Variants in TBL1Y observed in about 807,000 individuals in gnomAD.
TBL1Y encodes the protein F-box-like/WD repeat-containing protein TBL1Y.
In TBL1Y, 15 loss-of-function variants were observed where a neutral mutation model predicts 12.0. That is an observed-to-expected ratio of 1.25 (90% CI 0.83 to 1.92). The LOEUF (loss-of-function observed/expected upper bound fraction) is 1.92, where lower values mean the gene tolerates loss of function less well. Among genes scored for constraint, TBL1Y ranks in the 40% most tolerant of loss-of-function variants. TBL1Y has a pLI of 0.00. For synonymous variants in TBL1Y, 53 were observed against 42.6 expected (o/e 1.24, Z -0.95); for missense variants, 148 against 116.7 (o/e 1.27, Z -1.24).
At position 7,070,212 on chromosome Y, in the gene TBL1Y, A is replaced by G; in HGVS notation, c.474A>G (p.Pro158=). 1 of 397,721 alleles carries G rather than the reference A, an allele frequency of 2.5e-6. No individual in the cohort carries two copies. Among genetic ancestry groups the G allele is most frequent in the South Asian group, 3.0e-5 (1 of 33,444 alleles). The change falls in exon 9 of 19, where the codon CCA becomes CCG. Residue 158 remains proline (P), a synonymous_variant. Transcript: ENST00000383032. ...GAHEINNHSK[P]MEIDGDVEIP... The stretch of plus-strand genomic sequence containing the variant: ...CTATGACAGATAATCACTCAAAGCC[A>G]ATGGAAATAGATGGGGATGTTGAGA...
chrY:6,959,556 CA>C (rs2012108255), intron 2 of TBL1Y, among the ~76,000 whole-genome samples: 1 of 33,349 alleles, frequency 3.0e-5, no homozygotes, highest in Admixed American at 2.7e-4. Flanking sequence ...AAATTTGCAA[CA>C]GTGGAATTTC....
chrY:7,021,541 A>G lies in TBL1Y; in HGVS notation c.-51+4A>G, dbSNP rs2012581818. The G allele has an allele frequency of 3.0e-5, 1 of 33,616 alleles. No homozygotes were observed. Among genetic ancestry groups the G allele is most frequent in the African/African-American group, 1.2e-4 (1 of 8,604 alleles). The allele number at this position is 33,616 out of a possible 400,897, so 8.4% of individuals were successfully genotyped here. A position where few individuals can be genotyped will look rare whatever the true frequency, so the allele number is the denominator to read the frequency against. ...CACACATGAAGTTACCATAAAGGTA[A>G]GCAGCCCAGCATGCCATTGGATCCT... On this transcript the variant is annotated splice_donor_region_variant and intron_variant, in intron 5 of 18. Transcript: ENST00000383032.
chrY:6,932,129 G>C, intron 2 of TBL1Y, among the ~76,000 whole-genome samples: 1 of 33,961 alleles, frequency 2.9e-5, no homozygotes, highest in Admixed American at 2.7e-4. Flanking sequence ...ACACCACTGG[G>C]TTGGGAAGTG....
chrY:6,991,892 C>T, intron 3 of TBL1Y, among the ~76,000 whole-genome samples: 1 of 34,127 alleles, frequency 2.9e-5, no homozygotes. Context: ...CTAGTTTTCT[C>T]GTTACCCAGA....
intron 2 of TBL1Y, among the ~76,000 whole-genome samples, chrY:6,926,740 G>C (rs2011828558): frequency 3.1e-5 from 1 of 32,150 alleles, no homozygotes; most frequent in East Asian, 8.2e-4. Flanking sequence ...CAGTAGCTGG[G>C]ACTACAGGTA....
chrY:6,916,873 C>T (rs760310612), intron 2 of TBL1Y, among the ~76,000 whole-genome samples: 1 of 34,135 alleles, frequency 2.9e-5, no homozygotes, highest in South Asian at 6.5e-4. Flanking sequence ...CACTTTTTTC[C>T]GTCACTTTTG....
intron 3 of TBL1Y, among the ~76,000 whole-genome samples, chrY:6,991,944 C>A: frequency 2.9e-5 from 1 of 34,126 alleles, no homozygotes. Flanking sequence ...GGAATGTCTT[C>A]TTAAGATGCC....
chrY:7,066,382 T>C, intron 8 of TBL1Y, among the ~76,000 whole-genome samples: 1 of 33,367 alleles, frequency 3.0e-5, no homozygotes, highest in African/African-American at 1.2e-4. Context: ...TTGTTGTTGT[T>C]GTTGAGATGG....
At chrY:6,967,996 T>C in intron 2 of TBL1Y, among the ~76,000 whole-genome samples, 1 of 33,076 alleles carries the variant, frequency 3.0e-5, no homozygotes, top group African/African-American at 1.2e-4. Context: ...GGATGGTTCC[T>C]CCCGAGGCCT....
At chrY:7,063,548 G>GCAA in intron 7 of TBL1Y, among the ~76,000 whole-genome samples, 10 of 32,824 alleles carry the variant, frequency 3.0e-4, no homozygotes, top group African/African-American at 1.1e-3. Flanking sequence ...GATGGAGTAG[G>GCAA]TAATCGGAAT....
intron 8 of TBL1Y, among the ~76,000 whole-genome samples, chrY:7,064,364 T>C: frequency 3.0e-5 from 1 of 33,405 alleles, no homozygotes; most frequent in Non-Finnish European, 7.4e-5. Flanking sequence ...TCATCTTCAA[T>C]TTCAGGAAAT....
At chrY:7,032,502 A>C in intron 6 of TBL1Y, among the ~76,000 whole-genome samples, 3 of 33,567 alleles carry the variant, frequency 8.9e-5, no homozygotes, top group Non-Finnish European at 2.2e-4. Flanking sequence ...GGGCTTTTTC[A>C]TAGTTGTGTT....
intron 2 of TBL1Y, among the ~76,000 whole-genome samples, chrY:6,914,900 A>T (rs2011724707): frequency 3.0e-5 from 1 of 33,603 alleles, no homozygotes; most frequent in Non-Finnish European, 7.3e-5. Flanking sequence ...CCTGAAGTTG[A>T]CAACCTCTAG....
chrY:6,955,060 C>T (rs2012061900), intron 2 of TBL1Y, among the ~76,000 whole-genome samples: 2 of 33,300 alleles, frequency 6.0e-5, no homozygotes, highest in Non-Finnish European at 1.5e-4. Flanking sequence ...ATAGTGCAAA[C>T]TTTGAATTAT....
intron 7 of TBL1Y, among the ~76,000 whole-genome samples, chrY:7,054,085 T>C: frequency 8.8e-5 from 3 of 33,998 alleles, no homozygotes. Flanking sequence ...ACTTTGGGGC[T>C]ACCTTCTCCT....
intron 3 of TBL1Y, among the ~76,000 whole-genome samples, chrY:6,986,349 C>A (rs2012317257): frequency 3.1e-5 from 1 of 32,640 alleles, no homozygotes; most frequent in Non-Finnish European, 7.5e-5. Flanking sequence ...GTGAGACTCC[C>A]CACCTCATCT....
At chrY:6,920,734 T>G (rs2011770823) in intron 2 of TBL1Y, 2 of 33,986 alleles carry the variant, frequency 5.9e-5, no homozygotes, top group Non-Finnish European at 1.5e-4. Flanking sequence ...GAGGCCATGT[T>G]TTTTTCAGAC....
intron 2 of TBL1Y, among the ~76,000 whole-genome samples, chrY:6,928,687 A>C: frequency 5.9e-5 from 2 of 34,022 alleles, no homozygotes; most frequent in Admixed American, 5.3e-4. Context: ...GCAGAAAGCC[A>C]AAGAGGGTAT....
At chrY:7,072,163 G>A in intron 12 of TBL1Y, among the ~76,000 whole-genome samples, 1 of 33,555 alleles carries the variant, frequency 3.0e-5, no homozygotes, top group Admixed American at 2.7e-4. Flanking sequence ...GTCTCCCAAA[G>A]TTCTGGGATT....
Sources: gnomAD v4.1 joint callset for allele counts (sites outside exome capture counted in the v4.1 genomes callset) on GRCh38, gnomAD v4.1.1 for gene constraint, MANE v1.5 for transcripts, NCBI Gene and HGNC (gene_info 2026-07-23, HGNC 2026-07-21) for gene names.